Variants in PSD3 observed in about 807,000 individuals in gnomAD.
The protein encoded by PSD3 is PH and SEC7 domain-containing protein 3.
PSD3 carries 49 observed loss-of-function variants against 105.5 expected under a neutral mutation model. That is an observed-to-expected ratio of 0.46 (90% CI 0.37 to 0.59). The LOEUF (loss-of-function observed/expected upper bound fraction) is 0.59, where lower values mean the gene tolerates loss of function less well. Ranked by LOEUF, PSD3 falls within the 20% of genes least tolerant of loss-of-function variation. PSD3 has a pLI of 0.00. For synonymous variants in PSD3, 557 were observed against 457.8 expected (o/e 1.22, Z -2.77); for missense variants, 1,561 against 1,263.8 (o/e 1.24, Z -3.57).
chr8:18,728,142 C>T (rs1445842943), intron 9 of PSD3, among the ~76,000 whole-genome samples: 5 of 152,066 alleles, frequency 3.3e-5, no homozygotes, highest in Non-Finnish European at 7.4e-5. Flanking sequence ...AGGTTCAGGT[C>T]AAGTCCCACT....
Position 18,642,241 on chromosome 8 carries a change from T to C in PSD3, c.2217-9435A>G, listed in dbSNP as rs571962675. Among the ~76,000 whole-genome samples the C allele has an allele frequency of 1.2e-4, 18 of 152,298 alleles. 1 individual carries two copies. In the East Asian group the frequency reaches 3.3e-3, roughly 28 times the overall value. Reference sequence around the variant, plus strand: ...CTGGGGTCAAGCCACATGTTAGGTATTCCCAAAAGATCTATTGGAAAATTT... The same window carrying C: ...CTGGGGTCAAGCCACATGTTAGGTACTCCCAAAAGATCTATTGGAAAATTT... On this transcript the variant is annotated intron_variant, in intron 10 of 15. Coordinates refer to ENST00000327040, the MANE Select transcript of PSD3 (RefSeq NM_015310.4).
intron 1 of PSD3, among the ~76,000 whole-genome samples, chr8:19,058,972 A>G (rs1330132349): frequency 6.6e-6 from 1 of 152,190 alleles, no homozygotes; most frequent in East Asian, 1.9e-4. Context: ...AAGCAGAGCT[A>G]CCCAACCTGA....
intron 4 of PSD3, among the ~76,000 whole-genome samples, chr8:18,817,738 A>G (rs1812331942): frequency 1.3e-5 from 2 of 152,190 alleles, no homozygotes; most frequent in Admixed American, 1.3e-4. Context: ...GACTCTGATC[A>G]GCGGAAATCA....
chr8:18,775,334 C>G (rs1037034048), intron 8 of PSD3, among the ~76,000 whole-genome samples: 7 of 152,140 alleles, frequency 4.6e-5, no homozygotes, highest in Admixed American at 1.3e-4. Flanking sequence ...GGAGTGCAGA[C>G]ATTTCTTGAA....
At chr8:18,676,635 C>T (rs186001974) in intron 9 of PSD3, among the ~76,000 whole-genome samples, 1 of 152,200 alleles carries the variant, frequency 6.6e-6, no homozygotes, top group Admixed American at 6.5e-5. Flanking sequence ...GCCAGACCAG[C>T]GAGGAGCCCA....
chr8:18,674,186 T>C (rs1308802303), intron 9 of PSD3, among the ~76,000 whole-genome samples: 2 of 151,970 alleles, frequency 1.3e-5, no homozygotes, highest in Admixed American at 6.6e-5. Flanking sequence ...TATGCGGCTA[T>C]CAAAGCAGGG....
chr8:18,585,859 G>T (rs17126870), intron 12 of PSD3, among the ~76,000 whole-genome samples: 1 of 152,064 alleles, frequency 6.6e-6, no homozygotes, highest in East Asian at 1.9e-4. Context: ...CTCCAAATCA[G>T]CAATTAGTTA....
rs189303426 is a variant in PSD3 at position 18,705,687 on chromosome 8, T to A, written c.2173-50002A>T. Among the ~76,000 whole-genome samples the A allele has an allele frequency of 1.4e-3, 214 of 152,226 alleles. 1 individual carries two copies. Among genetic ancestry groups the A allele is most frequent in the Non-Finnish European group, 2.7e-3 (182 of 68,028 alleles). On this transcript the variant is annotated intron_variant, in intron 9 of 15. Transcript: ENST00000327040. ...GGTAAAAAAGAAGACCACACTTAAA[T>A]ATGTGTTCATCTATATCTATATTAA...
At chr8:19,044,521 A>G (rs916985343) in intron 1 of PSD3, among the ~76,000 whole-genome samples, 6 of 152,350 alleles carry the variant, frequency 3.9e-5, no homozygotes, top group Middle Eastern at 6.8e-3. Context: ...TATTATATCA[A>G]TTATATCCTA....
chr8:18,663,753 A>T (rs1809523822), intron 9 of PSD3, among the ~76,000 whole-genome samples: 1 of 152,226 alleles, frequency 6.6e-6, no homozygotes, highest in Non-Finnish European at 1.5e-5. Context: ...GGTTTTAAGT[A>T]TAGGGATACC....
chr8:18,795,110 T>C (rs1341907185), intron 8 of PSD3, among the ~76,000 whole-genome samples: 1 of 152,212 alleles, frequency 6.6e-6, no homozygotes, highest in African/African-American at 2.4e-5. Flanking sequence ...AACACTGTTC[T>C]GTGACAAAAC....
chr8:19,072,613 G>A (rs1225166007), intron 1 of PSD3, among the ~76,000 whole-genome samples: 3 of 152,174 alleles, frequency 2.0e-5, no homozygotes, highest in Non-Finnish European at 4.4e-5. Context: ...AGAAAACCCA[G>A]GCCACGGGCT....
intron 9 of PSD3, among the ~76,000 whole-genome samples, chr8:18,702,251 T>TC (rs2129417268): frequency 6.6e-6 from 1 of 152,340 alleles, no homozygotes; most frequent in South Asian, 2.1e-4. Flanking sequence ...ATCCACATTC[T>TC]CCCGGATGAC....
At chr8:18,892,070 C>T (rs556050287) in intron 2 of PSD3, among the ~76,000 whole-genome samples, 27 of 151,990 alleles carry the variant, frequency 1.8e-4, no homozygotes, top group African/African-American at 6.3e-4. Flanking sequence ...AAAGAAGAGC[C>T]GAAGAGAACA....
At chr8:18,989,147 A>G (rs1336402701) in intron 1 of PSD3, 1 of 152,242 alleles carries the variant, frequency 6.6e-6, no homozygotes. Flanking sequence ...TAAAAACACA[A>G]GGTAGCGGGG....
intron 15 of PSD3, among the ~76,000 whole-genome samples, chr8:18,552,811 GT>G (rs1262475837): frequency 6.6e-6 from 1 of 152,136 alleles, no homozygotes; most frequent in Admixed American, 6.6e-5. Context: ...CAGCTTGGAG[GT>G]TACCAATTCA....
chr8:18,814,836 T>C (rs1392583057), intron 4 of PSD3, among the ~76,000 whole-genome samples: 2 of 152,216 alleles, frequency 1.3e-5, no homozygotes, highest in Admixed American at 1.3e-4. Context: ...TTCTCTTCTG[T>C]CTGAATTTCT....
At chr8:18,835,106 C>G (rs73580741) in intron 4 of PSD3, among the ~76,000 whole-genome samples, 1 of 152,324 alleles carries the variant, frequency 6.6e-6, no homozygotes, top group African/African-American at 2.4e-5. Context: ...GGCACTCATA[C>G]ATTAAAGGCA....
intron 9 of PSD3, among the ~76,000 whole-genome samples, chr8:18,708,473 C>A (rs1206876910): frequency 4.0e-5 from 6 of 151,780 alleles, no homozygotes; most frequent in Non-Finnish European, 8.8e-5. Context: ...AGAAAAATTT[C>A]TAACTTTCAG....
Sources: allele counts gnomAD v4.1 joint callset (sites outside exome capture counted in the v4.1 genomes callset), GRCh38; gene constraint gnomAD v4.1.1; transcripts MANE v1.5; gene names NCBI Gene and HGNC (gene_info 2026-07-23, HGNC 2026-07-21).